The following DEFB134 variants were observed in gnomAD, a reference collection of about 807,000 sequenced individuals.
DEFB134 encodes the protein beta-defensin 134.
In DEFB134, 7 loss-of-function variants were observed where a neutral mutation model predicts 7.4. The observed-to-expected ratio is 0.95, with a 90% confidence interval of 0.54 to 1.79. The LOEUF is 1.79. Among genes scored for constraint, DEFB134 ranks in the 40% most tolerant of loss-of-function variants. The pLI is 0.00. For missense variants in DEFB134, 105 were observed against 74.8 expected (o/e 1.40, Z -1.49); for synonymous variants, 33 against 25.0 (o/e 1.32, Z -0.96).
chr8:11,993,916 G>A (rs759793766), exon 2 of DEFB134: 26 of 1,570,778 alleles, frequency 1.7e-5, no homozygotes, highest in Non-Finnish European at 2.2e-5. Flanking sequence ...TAAATTCCCT[G>A]GTTTTGTGAA....
upstream of DEFB134, among the ~76,000 whole-genome samples, chr8:11,997,990 A>C (rs941922946): frequency 1.3e-5 from 2 of 152,208 alleles, no homozygotes; most frequent in African/African-American, 4.8e-5. Context: ...TCCTTAACAA[A>C]TTAAAAAGAA....
At chr8:11,999,034 C>T (rs1800199939), upstream of DEFB134, 1 of 153,218 alleles carries the variant, frequency 6.5e-6, no homozygotes, top group African/African-American at 2.4e-5. Flanking sequence ...GAAATAGAAT[C>T]AGTAGTAAAA....
chr8:12,000,573 G>C (rs769317250), upstream of DEFB134, among the ~76,000 whole-genome samples: 47 of 152,136 alleles, frequency 3.1e-4, no homozygotes, highest in Non-Finnish European at 6.0e-4. Flanking sequence ...CTATGATAAA[G>C]TTAAATTTAT....
At chr8:11,999,617 A>AT (rs60711462), upstream of DEFB134, 120,097 of 152,108 alleles carry the variant, frequency 0.79, 49,847 homozygotes, top group East Asian at 0.93. Flanking sequence ...GCAATTCGTG[A>AT]TTTTACTTAA....
intron 1 of DEFB134, among the ~76,000 whole-genome samples, chr8:11,995,073 T>TA (rs1316613506): frequency 2.0e-5 from 3 of 152,198 alleles, no homozygotes; most frequent in South Asian, 2.1e-4. Context: ...GGATCAGTGT[T>TA]ACTTAGTTTG....
chr8:11,993,925 A>G (rs1288270865), exon 2 of DEFB134: 22 of 1,578,878 alleles, frequency 1.4e-5, no homozygotes, highest in Non-Finnish European at 1.9e-5. Context: ...TGGTTTTGTG[A>G]AAGATGGCAG....
At chr8:11,997,450 G>A (rs989532648), upstream of DEFB134, among the ~76,000 whole-genome samples, 2 of 152,046 alleles carry the variant, frequency 1.3e-5, no homozygotes, top group African/African-American at 4.8e-5. Context: ...AGAAAGGCTG[G>A]GCCACAGCTG....
chr8:11,996,896 TA>T (rs527643562), upstream of DEFB134, among the ~76,000 whole-genome samples: 8 of 152,326 alleles, frequency 5.3e-5, no homozygotes, highest in South Asian at 1.0e-3. Flanking sequence ...TGTTACTATT[TA>T]AAAAAACATT....
intron 1 of DEFB134, among the ~76,000 whole-genome samples, chr8:11,995,204 G>C (rs1321613091): frequency 6.6e-6 from 1 of 152,210 alleles, no homozygotes. Flanking sequence ...AAAAGGAATT[G>C]AAGGGAATAT....
intron 1 of DEFB134, among the ~76,000 whole-genome samples, chr8:11,995,631 C>T (rs550423025): frequency 1.3e-4 from 20 of 152,274 alleles, no homozygotes; most frequent in Middle Eastern, 6.8e-3. Flanking sequence ...TCTGTTTCCT[C>T]ATGTAACTAA....
At chr8:11,994,464 G>T (rs930163667) in intron 1 of DEFB134, among the ~76,000 whole-genome samples, 1 of 152,174 alleles carries the variant, frequency 6.6e-6, no homozygotes, top group African/African-American at 2.4e-5. Flanking sequence ...CAAAAAGATG[G>T]CCATCTACAA....
chr8:11,996,067 A>T lies in DEFB134; in HGVS notation c.58+127T>A. ...AAGCCCAGGTCTTGCTGACATCAAAACTAGTTGATGCTTTTTTCTAGCTTG... is the reference window on the plus strand; with the variant it reads ...AAGCCCAGGTCTTGCTGACATCAAATCTAGTTGATGCTTTTTTCTAGCTTG... On this transcript the variant is annotated intron_variant, in intron 1 of 1. Coordinates refer to ENST00000526438, the Ensembl canonical transcript of DEFB134. The T allele has an allele frequency of 1.7e-6, 2 of 1,148,184 alleles. 1 individual carries two copies. Among genetic ancestry groups the T allele is most frequent in the Non-Finnish European group, 2.5e-6 (2 of 792,354 alleles). The allele number at this position is 1,148,184 out of a possible 1,614,324, so 71.1% of individuals were successfully genotyped here.
Position 11,994,040 on chromosome 8 carries a change from C to T in DEFB134, c.141G>A (p.Met47Ile), listed in dbSNP as rs185220759. The T allele has an allele frequency of 4.3e-5, 70 of 1,613,952 alleles. No individual in the cohort carries two copies. In the Admixed American group the frequency reaches 1.2e-3, roughly 27 times the overall value. The change falls in exon 2 of 2, where the codon ATG (methionine) becomes ATA (isoleucine). Residue 47 changes from methionine (M) to isoleucine (I), a missense_variant. Met to Ile is a conservative substitution (Grantham distance 10). Transcript: ENST00000526438. ...GCTGAAACATACAGTAGGCAACTAACATTTCACTCTCATAGCATTCAAGTC... is the reference window on the plus strand; with the variant it reads ...GCTGAAACATACAGTAGGCAACTAATATTTCACTCTCATAGCATTCAAGTC...
At chr8:11,994,968 T>C (rs537104517) in intron 1 of DEFB134, among the ~76,000 whole-genome samples, 7 of 152,310 alleles carry the variant, frequency 4.6e-5, no homozygotes, top group Non-Finnish European at 8.8e-5. Context: ...AGAAGTCTTA[T>C]TGAAGCTCAA....
upstream of DEFB134, among the ~76,000 whole-genome samples, chr8:12,000,472 G>C (rs149048274): frequency 6.2e-3 from 940 of 152,144 alleles, 9 homozygotes; most frequent in African/African-American, 0.022. Flanking sequence ...CTTATTCATG[G>C]GGCTATGTTC....
exon 2 of DEFB134, chr8:11,993,956 G>A (rs1159968428): frequency 6.2e-7 from 1 of 1,609,106 alleles, no homozygotes; most frequent in Non-Finnish European, 8.5e-7. Flanking sequence ...CTACAGGATA[G>A]TGGCCATTCA....
chr8:11,993,731 C>A (rs982295498), exon 2 of DEFB134: 9 of 395,828 alleles, frequency 2.3e-5, no homozygotes, highest in Middle Eastern at 6.4e-4. Flanking sequence ...GATGAGCACA[C>A]TGGACATCAC....
chr8:11,995,852 A>G (rs891990019), intron 1 of DEFB134, among the ~76,000 whole-genome samples: 3 of 152,048 alleles, frequency 2.0e-5, no homozygotes, highest in Non-Finnish European at 4.4e-5. Flanking sequence ...TTATGTATGG[A>G]CATATTCCAT....
chr8:11,993,392 C>A (rs1055102282), exon 2 of DEFB134: 18 of 152,262 alleles, frequency 1.2e-4, no homozygotes, highest in African/African-American at 4.3e-4. Flanking sequence ...CATTGCTCAA[C>A]TGAAACTAGG....
Sources: allele counts gnomAD v4.1 joint callset (sites outside exome capture counted in the v4.1 genomes callset), GRCh38; gene constraint gnomAD v4.1.1; transcripts MANE v1.5; gene names NCBI Gene and HGNC (gene_info 2026-07-23, HGNC 2026-07-21).